Variants in PCDHA10 observed in about 807,000 individuals in gnomAD.
PCDHA10 encodes protocadherin alpha 10.
A neutral mutation model predicts 61.2 loss-of-function variants in PCDHA10; 45 were observed. The ratio of observed to expected loss-of-function variants is 0.74; its 90% CI spans 0.58 to 0.94. The LOEUF (loss-of-function observed/expected upper bound fraction) is 0.94. Among genes scored for constraint, PCDHA10 ranks in the 40% least tolerant of loss-of-function variants. The pLI is 0.00. For synonymous variants in PCDHA10, 602 were observed against 548.8 expected, an observed-to-expected ratio of 1.10 and a Z score of -1.35; for missense variants, 1,278 against 1,236.2, an observed-to-expected ratio of 1.03 and a Z score of -0.51.
At chr5:140,973,800 C>A (rs1554235613) in intron 1 of PCDHA10, among the ~76,000 whole-genome samples, 1 of 152,236 alleles carries the variant, frequency 6.6e-6, no homozygotes, top group Non-Finnish European at 1.5e-5. Context: ...ATGCTGTCTA[C>A]TTGACAGAAT....
intron 1 of PCDHA10, among the ~76,000 whole-genome samples, chr5:140,975,450 G>T (rs1175028711): frequency 6.6e-6 from 1 of 152,174 alleles, no homozygotes. Context: ...AGGGATCTTG[G>T]GGCCATCTTG....
At chr5:140,905,635 A>ACTGTTGCCTCAGGCAGTGCAGG (rs2071993181) in intron 1 of PCDHA10, among the ~76,000 whole-genome samples, 1 of 152,206 alleles carries the variant, frequency 6.6e-6, no homozygotes, top group South Asian at 2.1e-4. Flanking sequence ...CAGTATGGTC[A>ACTGTTGCCTCAGGCAGTGCAGG]GTTTCACAGT....
intron 1 of PCDHA10, chr5:140,869,991 A>G (rs1554163685): frequency 1.9e-6 from 3 of 1,613,542 alleles, no homozygotes; most frequent in Non-Finnish European, 2.5e-6. Flanking sequence ...CACTAGATCA[A>G]AATAATGGAG....
intron 1 of PCDHA10, among the ~76,000 whole-genome samples, chr5:140,940,929 A>G (rs2092704989): frequency 1.3e-5 from 2 of 152,230 alleles, no homozygotes; most frequent in Non-Finnish European, 2.9e-5. Flanking sequence ...CTCCTTGGCT[A>G]CTTAGACTAC....
intron 1 of PCDHA10, among the ~76,000 whole-genome samples, chr5:140,941,693 G>C (rs2093147737): frequency 6.6e-6 from 1 of 151,900 alleles, no homozygotes; most frequent in South Asian, 2.1e-4. Flanking sequence ...TTACCTCTTT[G>C]GGCTTAGCTT....
intron 1 of PCDHA10, among the ~76,000 whole-genome samples, chr5:140,957,864 A>G (rs1554223166): frequency 6.6e-6 from 1 of 151,762 alleles, no homozygotes; most frequent in Admixed American, 6.6e-5. Flanking sequence ...TTTTTTTCCT[A>G]TTTTGTGCTG....
chr5:140,870,560 A>G, intron 1 of PCDHA10: 1 of 1,614,000 alleles, frequency 6.2e-7, no homozygotes, highest in Middle Eastern at 1.7e-4. Flanking sequence ...GCGCAGGAGA[A>G]CGCGCTGGTG....
At position 140,944,452 on chromosome 5, in the gene PCDHA10, G is replaced by A. The variant is rs147335783; in HGVS notation, c.2389-34497G>A. 1.8e-3 allele frequency among the ~76,000 whole-genome samples: 280 copies of A among 152,282 alleles called. 3 individuals are homozygous for A. Among genetic ancestry groups the A allele is most frequent in the African/African-American group, 6.4e-3 (266 of 41,552 alleles). ...TCTGCCTGCCTCGGCCTCCCAAAGTGCTGGGATTACAGGTATGAGGCACTG... is the reference window on the plus strand; with the variant it reads ...TCTGCCTGCCTCGGCCTCCCAAAGTACTGGGATTACAGGTATGAGGCACTG... On this transcript the variant is annotated intron_variant, in intron 1 of 3. Coordinates refer to ENST00000307360, the MANE Select transcript of PCDHA10 (RefSeq NM_018901.4).
intron 1 of PCDHA10, among the ~76,000 whole-genome samples, chr5:140,938,520 A>G (rs1240941217): frequency 6.6e-6 from 1 of 150,896 alleles, no homozygotes; most frequent in African/African-American, 2.4e-5. Context: ...ATTTTCTGTT[A>G]TTGAATGGAT....
At chr5:140,987,956 C>T (rs1270495363) in intron 3 of PCDHA10, among the ~76,000 whole-genome samples, 2 of 152,144 alleles carry the variant, frequency 1.3e-5, no homozygotes, top group African/African-American at 4.8e-5. Flanking sequence ...ACAAAACCAA[C>T]TCCCCATGGA....
In PCDHA10 at chr5:140,857,943, C is replaced by G; in HGVS notation, c.1895C>G (p.Thr632Arg). 1 of 1,597,460 alleles carries G rather than the reference C, an allele frequency of 6.3e-7. No individual in the cohort carries two copies. ...RVGLYTGEIS[T>R]TRALDETDSP... ...GGGCTGTACACGGGCGAGATCAGTACGACGCGCGCTCTGGATGAGACTGAC... is the reference window on the plus strand; with the variant it reads ...GGGCTGTACACGGGCGAGATCAGTAGGACGCGCGCTCTGGATGAGACTGAC... Residue 632 changes from threonine (T) to arginine (R), a missense_variant, in exon 1 of 4, where the codon ACG becomes AGG. Physicochemically the swap from Thr to Arg is moderately conservative, Grantham distance 71. Transcript: ENST00000307360.
At chr5:140,968,808 TGGATAGGG>T (rs782488281) in intron 1 of PCDHA10, 2 of 1,614,204 alleles carry the variant, frequency 1.2e-6, no homozygotes, top group Non-Finnish European at 1.7e-6. Context: ...GTAGCTGTGG[TGGATAGGG>T]TTTCCAAAAT....
intron 3 of PCDHA10, among the ~76,000 whole-genome samples, chr5:140,990,473 C>G (rs1268910696): frequency 6.6e-6 from 1 of 152,186 alleles, no homozygotes; most frequent in Non-Finnish European, 1.5e-5. Flanking sequence ...TATCATGTAT[C>G]AAGCTGAATA....
rs114351206 is a variant in PCDHA10 at position 140,991,799 on chromosome 5, G to A, written c.2536+9236G>A. Among the ~76,000 whole-genome samples the A allele has an allele frequency of 3.8e-3, 580 of 152,160 alleles. 3 individuals are homozygous for A. The highest frequency in any genetic ancestry group is 0.013 in the African/African-American group (548 of 41,490). On this transcript the variant is annotated intron_variant, in intron 3 of 3. Coordinates refer to ENST00000307360, the MANE Select transcript of PCDHA10 (RefSeq NM_018901.4). ...ACTCTGCCCATTTCCCAATCTCAAG[G>A]CCACTTCCGCATTTTTAGGCATTTA... is the stretch of plus-strand genomic sequence containing the variant.
intron 1 of PCDHA10, among the ~76,000 whole-genome samples, chr5:140,931,894 A>G (rs1242530874): frequency 1.3e-5 from 2 of 151,966 alleles, no homozygotes; most frequent in African/African-American, 4.8e-5. Flanking sequence ...TTTTATTTCA[A>G]ATCATTTGAA....
chr5:140,941,191 T>TTTC (rs1487503403), intron 1 of PCDHA10, among the ~76,000 whole-genome samples: 199 of 93,252 alleles, frequency 2.1e-3, no homozygotes, highest in Middle Eastern at 0.015. Flanking sequence ...GCTTCTTTTT[T>TTTC]TTTCTTTCTT....
At chr5:140,992,862 G>A (rs2097531583) in intron 3 of PCDHA10, among the ~76,000 whole-genome samples, 2 of 152,084 alleles carry the variant, frequency 1.3e-5, no homozygotes, top group Non-Finnish European at 2.9e-5. Context: ...TTTCACTCTA[G>A]CTCCCTCCTT....
chr5:140,979,110 C>A, intron 2 of PCDHA10, 103 bp downstream of exon 2: 1 of 1,515,726 alleles, frequency 6.6e-7, no homozygotes, highest in East Asian at 2.3e-5. Flanking sequence ...AACTAAAAAG[C>A]TTTAGGTACT....
At position 140,858,115 on chromosome 5, in the gene PCDHA10, G is replaced by A. The variant is rs371261838; in HGVS notation, c.2067G>A (p.Val689=). 5.0e-6 allele frequency: 8 copies of A among 1,597,696 alleles called. 1 individual carries two copies. Among genetic ancestry groups the A allele is most frequent in the Non-Finnish European group, 6.9e-6 (8 of 1,167,654 alleles). ...CTTCAGTGGGCGTGGCGCCCGAGGT[G>A]GCCCTGGTGGATGTCAACGTGTACC... ...SRASVGVAPE[V]ALVDVNVYLI... The change falls in exon 1 of 4, where the codon GTG becomes GTA. Residue 689 remains valine (V), a synonymous_variant. Transcript: ENST00000307360.
Sources: allele counts gnomAD v4.1 joint callset (sites outside exome capture counted in the v4.1 genomes callset), GRCh38; gene constraint gnomAD v4.1.1; transcripts MANE v1.5; gene names NCBI Gene and HGNC (gene_info 2026-07-23, HGNC 2026-07-21).